DENND5A: variants seen among roughly 807,000 people sequenced by gnomAD.
The protein encoded by DENND5A is DENN domain containing 5A, also known as DENN domain-containing protein 5A.
DENND5A carries 64 observed loss-of-function variants against 140.3 expected under a neutral mutation model. The ratio of observed to expected loss-of-function variants is 0.46; its 90% confidence interval spans 0.37 to 0.56. The LOEUF is 0.56. Among genes scored for constraint, DENND5A ranks in the 20% least tolerant of loss-of-function variants. The pLI, the probability that DENND5A is intolerant of heterozygous loss-of-function variation, is 0.00. For missense variants in DENND5A, 1,292 were observed against 1,593.8 expected, an observed-to-expected ratio of 0.81 and a Z score of 3.22; for synonymous variants, 605 against 607.7, an observed-to-expected ratio of 1.00 and a Z score of 0.07.
chr11:9,178,260 T>A lies in DENND5A; in HGVS notation c.1778A>T (p.Asp593Val). Reference protein sequence around the residue: ...SFIDNKIMCHDDDDKDPVLRV... With the variant: ...SFIDNKIMCHVDDDKDPVLRV... ...GAGTACAGGGTCTTTATCATCATCA[T>A]CATGACACATTATTTTGTTGTCAAT... is the stretch of plus-strand genomic sequence containing the variant. Residue 593 changes from aspartate to valine, a missense_variant, in exon 8 of 23, where the codon GAT becomes GTT. Transcript: ENST00000328194. The A allele has an allele frequency of 6.2e-7, 1 of 1,613,968 alleles. No homozygotes were observed. The highest frequency in any genetic ancestry group is 8.5e-7 in the Non-Finnish European group (1 of 1,179,852).
At chr11:9,151,388 T>C (rs1477355273) in intron 13 of DENND5A, among the ~76,000 whole-genome samples, 1 of 152,204 alleles carries the variant, frequency 6.6e-6, no homozygotes, top group Non-Finnish European at 1.5e-5. Context: ...AGCAATGACT[T>C]CTATAGCATT....
chr11:9,240,669 C>T (rs972891726), intron 1 of DENND5A, among the ~76,000 whole-genome samples: 6 of 151,174 alleles, frequency 4.0e-5, no homozygotes, highest in South Asian at 2.1e-4. Flanking sequence ...GAGATGGTGC[C>T]ACCGTACTCC....
chr11:9,241,694 T>G (rs1002470370), intron 1 of DENND5A, among the ~76,000 whole-genome samples: 1 of 152,166 alleles, frequency 6.6e-6, no homozygotes, highest in Non-Finnish European at 1.5e-5. Flanking sequence ...ATCCTCTCAG[T>G]GAGGTATACC....
chr11:9,190,666 T>C (rs1036964076), intron 5 of DENND5A, among the ~76,000 whole-genome samples: 1 of 152,212 alleles, frequency 6.6e-6, no homozygotes, highest in Non-Finnish European at 1.5e-5. Flanking sequence ...AATGGACTAA[T>C]ACACTGCCCC....
chr11:9,207,449 CA>C, intron 2 of DENND5A, 111 bp downstream of exon 2: 13 of 758,626 alleles, frequency 1.7e-5, no homozygotes, highest in South Asian at 3.3e-5. Context: ...ATCTAGTGGT[CA>C]AAAAAGGCAC....
chr11:9,263,590 C>T (rs1162851438), intron 1 of DENND5A, among the ~76,000 whole-genome samples: 2 of 148,214 alleles, frequency 1.3e-5, no homozygotes, highest in Non-Finnish European at 3.0e-5. Context: ...CGCCTGTAAT[C>T]CCAGCACTTT....
At chr11:9,247,045 C>T (rs894437361) in intron 1 of DENND5A, among the ~76,000 whole-genome samples, 12 of 152,022 alleles carry the variant, frequency 7.9e-5, no homozygotes, top group Admixed American at 2.0e-4. Context: ...CTGGCTAACA[C>T]GGTGAAACCC....
chr11:9,243,845 C>G (rs1246034236), intron 1 of DENND5A, among the ~76,000 whole-genome samples: 1 of 152,142 alleles, frequency 6.6e-6, no homozygotes. Context: ...AAGATCACAC[C>G]ACTGCACTCC....
At chr11:9,190,128 T>A (rs1176487192) in intron 5 of DENND5A, among the ~76,000 whole-genome samples, 5 of 152,246 alleles carry the variant, frequency 3.3e-5, no homozygotes, top group African/African-American at 1.2e-4. Flanking sequence ...ACCCTCATTG[T>A]ATCTAGGAAG....
At chr11:9,249,101 G>A (rs1172761320) in intron 1 of DENND5A, among the ~76,000 whole-genome samples, 5 of 151,896 alleles carry the variant, frequency 3.3e-5, no homozygotes, top group Admixed American at 6.6e-5. Context: ...GGTGGTGGGC[G>A]CCTGTAGTCC....
intron 1 of DENND5A, among the ~76,000 whole-genome samples, chr11:9,221,944 A>C (rs986836684): frequency 4.0e-5 from 6 of 151,796 alleles, no homozygotes; most frequent in Non-Finnish European, 7.4e-5. Context: ...TTTTTAGTAG[A>C]GATGAGGTTT....
intron 5 of DENND5A, among the ~76,000 whole-genome samples, chr11:9,191,533 C>A (rs955758793): frequency 6.6e-6 from 1 of 152,218 alleles, no homozygotes; most frequent in African/African-American, 2.4e-5. Flanking sequence ...AGCCACCGCA[C>A]CCGGCCAACT....
chr11:9,209,389 GC>G (rs1247921008), intron 1 of DENND5A, among the ~76,000 whole-genome samples: 1 of 152,180 alleles, frequency 6.6e-6, no homozygotes, highest in Admixed American at 6.5e-5. Flanking sequence ...CCAAAGGTGA[GC>G]ATGACCAGCT....
intron 5 of DENND5A, among the ~76,000 whole-genome samples, chr11:9,191,524 G>A (rs1455835108): frequency 6.6e-6 from 1 of 152,196 alleles, no homozygotes; most frequent in Non-Finnish European, 1.5e-5. Context: ...ATAGGCGTGA[G>A]CCACCGCACC....
At chr11:9,196,645 CT>C (rs1191673316) in intron 4 of DENND5A, among the ~76,000 whole-genome samples, 1 of 152,034 alleles carries the variant, frequency 6.6e-6, no homozygotes, top group Non-Finnish European at 1.5e-5. Flanking sequence ...GGGTCTTGCT[CT>C]GTCGCCCAGG....
chr11:9,186,295 C>G (rs981791171), intron 5 of DENND5A, among the ~76,000 whole-genome samples: 4 of 152,208 alleles, frequency 2.6e-5, no homozygotes, highest in Admixed American at 2.6e-4. Context: ...TTTGCTTATT[C>G]CTTTAAGATT....
intron 1 of DENND5A, among the ~76,000 whole-genome samples, chr11:9,243,786 T>C (rs1053346066): frequency 1.3e-5 from 2 of 152,116 alleles, no homozygotes; most frequent in Non-Finnish European, 2.9e-5. Flanking sequence ...CTTGGGAGGC[T>C]GAGGCAGGAG....
At chr11:9,220,775 C>A (rs1850278977) in intron 1 of DENND5A, among the ~76,000 whole-genome samples, 1 of 151,948 alleles carries the variant, frequency 6.6e-6, no homozygotes, top group African/African-American at 2.4e-5. Context: ...TACCTGTAAT[C>A]CCAGCTACTG....
chr11:9,150,897 C>A, intron 13 of DENND5A, 133 bp from the exon 14 acceptor site: 2 of 478,824 alleles, frequency 4.2e-6, no homozygotes, highest in Non-Finnish European at 7.4e-6. Flanking sequence ...TTGATTGTTT[C>A]ATAAATATTT....
Sources: gnomAD v4.1 joint callset for allele counts (sites outside exome capture counted in the v4.1 genomes callset) on GRCh38, gnomAD v4.1.1 for gene constraint, MANE v1.5 for transcripts, NCBI Gene and HGNC (gene_info 2026-07-23, HGNC 2026-07-21) for gene names.